DMD: variants seen among roughly 807,000 people sequenced by gnomAD.
DMD encodes mutant dystrophin.
DMD carries 63 observed loss-of-function variants against 330.1 expected under a neutral mutation model. The observed-to-expected ratio is 0.19, with a 90% CI of 0.16 to 0.24. The LOEUF (loss-of-function observed/expected upper bound fraction) is 0.24, where lower values mean the gene tolerates loss of function less well. Ranked by LOEUF, DMD falls within the 10% of genes least tolerant of loss-of-function variation. The pLI is 1.00. For synonymous variants in DMD, 1,223 were observed against 959.8 expected (o/e 1.27, Z -5.07); for missense variants, 3,344 against 2,684.1 (o/e 1.25, Z -5.43).
Position 31,720,945 on chromosome X carries a change from T to C in DMD, c.7660+8686A>G, listed in dbSNP as rs774763880. ...TTAATTTAAAAATGAAATACATTTATGAAAAATGGAAAACATTCATTTCAT... is the reference window on the plus strand; with the variant it reads ...TTAATTTAAAAATGAAATACATTTACGAAAAATGGAAAACATTCATTTCAT... On this transcript the variant is annotated intron_variant, in intron 52 of 78. Transcript: ENST00000357033. Among the ~76,000 whole-genome samples, 7 of 111,888 alleles carry C rather than the reference T, an allele frequency of 6.3e-5. No homozygotes were observed. In the East Asian group the frequency reaches 2.0e-3, roughly 31 times the overall value.
chrX:31,739,921 G>GTGTGTTA (rs984474930), intron 51 of DMD, among the ~76,000 whole-genome samples: 1 of 106,258 alleles, frequency 9.4e-6, no homozygotes, highest in African/African-American at 3.4e-5. Context: ...TCTACTATTA[G>GTGTGTTA]TGTGTTATTT....
At chrX:32,913,691 G>T (rs985836710) in intron 2 of DMD, among the ~76,000 whole-genome samples, 1 of 111,635 alleles carries the variant, frequency 9.0e-6, no homozygotes, top group African/African-American at 3.3e-5. Context: ...CAGCCCACCA[G>T]GTCAAGCACC....
chrX:33,048,694 T>TAA (rs748856962), intron 1 of DMD, among the ~76,000 whole-genome samples: 3,887 of 35,505 alleles, frequency 0.11, 558 homozygotes, highest in African/African-American at 0.32. Flanking sequence ...ACTCCCCATC[T>TAA]AAAAAAAAAA....
chrX:33,324,972 G>A (rs1371984006), intron 1 of DMD, among the ~76,000 whole-genome samples: 2 of 111,367 alleles, frequency 1.8e-5, no homozygotes, highest in African/African-American at 3.3e-5. Context: ...TATGCAACAA[G>A]TGTCATGTTT....
intron 55 of DMD, among the ~76,000 whole-genome samples, chrX:31,594,501 C>A (rs1391157556): frequency 1.8e-5 from 2 of 111,314 alleles, no homozygotes; most frequent in Non-Finnish European, 3.8e-5. Context: ...GCTTAAGATG[C>A]TTAATGTGTT....
At chrX:31,982,457 T>A (rs780246919) in intron 44 of DMD, among the ~76,000 whole-genome samples, 1 of 111,209 alleles carries the variant, frequency 9.0e-6, no homozygotes, top group East Asian at 2.9e-4. Context: ...CAGGAGGGAG[T>A]CTTCCGAAAA....
intron 12 of DMD, among the ~76,000 whole-genome samples, chrX:32,600,084 T>C (rs2056019798): frequency 8.9e-6 from 1 of 112,000 alleles, no homozygotes; most frequent in South Asian, 3.7e-4. Context: ...TTCCCAATTT[T>C]ATTATTTAAA....
At chrX:32,452,959 G>T (rs760827433) in intron 26 of DMD, among the ~76,000 whole-genome samples, 1 of 110,700 alleles carries the variant, frequency 9.0e-6, no homozygotes, top group Non-Finnish European at 1.9e-5. Context: ...AATAGAATGT[G>T]TTTCCATAAA....
intron 1 of DMD, among the ~76,000 whole-genome samples, chrX:33,228,481 A>G (rs1424701877): frequency 9.1e-6 from 1 of 110,435 alleles, no homozygotes; most frequent in East Asian, 2.8e-4. Flanking sequence ...TTTAAAATAA[A>G]AAGGGGAGGG....
At chrX:32,681,602 A>G (rs1369405867) in intron 9 of DMD, among the ~76,000 whole-genome samples, 1 of 111,691 alleles carries the variant, frequency 9.0e-6, no homozygotes, top group Non-Finnish European at 1.9e-5. Context: ...TCCCTTAAGT[A>G]TTGCTGTTCA....
intron 52 of DMD, among the ~76,000 whole-genome samples, chrX:31,684,617 G>A (rs113857871): frequency 0.053 from 5,875 of 111,534 alleles, 388 homozygotes; most frequent in African/African-American, 0.18. Context: ...GTTGTTGTTC[G>A]TGATTCTAAA....
chrX:32,512,174 G>T (rs953069672), intron 18 of DMD, among the ~76,000 whole-genome samples: 1 of 112,144 alleles, frequency 8.9e-6, no homozygotes, highest in African/African-American at 3.2e-5. Flanking sequence ...TCCTCAATAA[G>T]TTGATTAAAA....
chrX:31,675,928 G>T (rs1469220272), intron 53 of DMD, among the ~76,000 whole-genome samples: 1 of 112,294 alleles, frequency 8.9e-6, no homozygotes, highest in Non-Finnish European at 1.9e-5. Context: ...ATCATTAATT[G>T]CTTTTTGGTA....
chrX:31,888,894 A>G (rs1367735030), intron 47 of DMD, among the ~76,000 whole-genome samples: 4 of 112,355 alleles, frequency 3.6e-5, no homozygotes, highest in Non-Finnish European at 7.5e-5. Context: ...TTACTTTAAA[A>G]GTAAGTGGAT....
chrX:32,831,715 TGA>T (rs1378267090), intron 4 of DMD, among the ~76,000 whole-genome samples: 2 of 106,111 alleles, frequency 1.9e-5, no homozygotes, highest in African/African-American at 3.4e-5. Context: ...GGTTTGTGTA[TGA>T]GAGAGAGAAA....
intron 1 of DMD, among the ~76,000 whole-genome samples, chrX:33,086,289 A>C (rs1445093051): frequency 8.9e-6 from 1 of 112,281 alleles, no homozygotes; most frequent in Non-Finnish European, 1.9e-5. Flanking sequence ...ATGCTAAGGC[A>C]CAAATATCAA....
intron 7 of DMD, among the ~76,000 whole-genome samples, chrX:32,774,497 TCA>T (rs774281826): frequency 1.8e-5 from 2 of 111,661 alleles, no homozygotes; most frequent in African/African-American, 6.5e-5. Context: ...TTTAATTGAT[TCA>T]CAGTTCCGCA....
intron 60 of DMD, among the ~76,000 whole-genome samples, chrX:31,353,716 T>A (rs1395094288): frequency 9.0e-6 from 1 of 111,712 alleles, no homozygotes; most frequent in Non-Finnish European, 1.9e-5. Context: ...AACATTTAAC[T>A]GGAGATGTCA....
intron 2 of DMD, among the ~76,000 whole-genome samples, chrX:32,891,877 C>T (rs944491875): frequency 1.8e-5 from 2 of 111,494 alleles, no homozygotes; most frequent in Non-Finnish European, 3.8e-5. Context: ...TCTTCCCCAG[C>T]CTAATCATTT....
Sources: gnomAD v4.1 joint callset for allele counts (sites outside exome capture counted in the v4.1 genomes callset) on GRCh38, gnomAD v4.1.1 for gene constraint, MANE v1.5 for transcripts, NCBI Gene and HGNC (gene_info 2026-07-23, HGNC 2026-07-21) for gene names.